ERC1: variants seen among roughly 807,000 people sequenced by gnomAD.
The protein encoded by ERC1 is RAB6 interacting protein 2.
Under a neutral mutation model 132.0 loss-of-function variants are expected in ERC1, and 56 were observed. That is an observed-to-expected ratio of 0.42 (90% CI 0.34 to 0.53). The LOEUF (loss-of-function observed/expected upper bound fraction) is 0.53. Among genes scored for constraint, ERC1 ranks in the 20% least tolerant of loss-of-function variants. The probability of loss-of-function intolerance (pLI) is 0.03; values close to 1 mark genes in which losing one functional copy is unlikely to be tolerated. For missense variants in ERC1, 1,202 were observed against 1,349.9 expected (o/e 0.89, Z 1.72); for synonymous variants, 478 against 476.1 (o/e 1.00, Z -0.05).
chr12:1,354,384 A>G (rs1360629682), intron 15 of ERC1, among the ~76,000 whole-genome samples: 1 of 152,024 alleles, frequency 6.6e-6, no homozygotes, highest in African/African-American at 2.4e-5. Context: ...CCAGCTGGGC[A>G]TGGTGGCAGG....
At chr12:1,346,298 G>A (rs1420030186) in intron 15 of ERC1, among the ~76,000 whole-genome samples, 1 of 152,068 alleles carries the variant, frequency 6.6e-6, no homozygotes, top group East Asian at 1.9e-4. Flanking sequence ...AATTTTTCTT[G>A]CCTTTATGAG....
intron 12 of ERC1, among the ~76,000 whole-genome samples, chr12:1,206,597 A>G (rs1957371276): frequency 6.6e-6 from 1 of 152,130 alleles, no homozygotes; most frequent in Non-Finnish European, 1.5e-5. Context: ...AGACATACAC[A>G]TCTTTTTATT....
intron 17 of ERC1, among the ~76,000 whole-genome samples, chr12:1,440,383 T>C (rs1430984648): frequency 4.0e-5 from 6 of 150,632 alleles, no homozygotes; most frequent in East Asian, 2.0e-4. Context: ...TTTTTTTGTA[T>C]TTTTAGTAGA....
At chr12:1,451,337 G>A (rs772074998) in intron 18 of ERC1, among the ~76,000 whole-genome samples, 3 of 152,306 alleles carry the variant, frequency 2.0e-5, no homozygotes, top group East Asian at 1.9e-4. Flanking sequence ...CTGAGGCTGA[G>A]AGCAGTGGCT....
intron 6 of ERC1, among the ~76,000 whole-genome samples, chr12:1,114,780 T>TTGAA (rs1946275154): frequency 6.6e-6 from 1 of 152,232 alleles, no homozygotes; most frequent in Admixed American, 6.5e-5. Flanking sequence ...GAAATATTTG[T>TTGAA]TGAATGAATG....
chr12:1,423,599 A>G (rs1027235742), intron 17 of ERC1, among the ~76,000 whole-genome samples: 1 of 152,224 alleles, frequency 6.6e-6, no homozygotes, highest in Non-Finnish European at 1.5e-5. Context: ...GGTGGTTGAT[A>G]GAGTCTGTCA....
intron 12 of ERC1, among the ~76,000 whole-genome samples, chr12:1,191,408 A>G (rs897934725): frequency 8.5e-5 from 13 of 152,194 alleles, no homozygotes; most frequent in Non-Finnish European, 1.2e-4. Context: ...TACTGCATAG[A>G]TACAAAAATG....
At chr12:1,042,146 T>C (rs1340026411) in intron 2 of ERC1, among the ~76,000 whole-genome samples, 1 of 152,004 alleles carries the variant, frequency 6.6e-6, no homozygotes, top group Non-Finnish European at 1.5e-5. Context: ...CACGCCATTC[T>C]CCTGCCTCAG....
chr12:995,025 G>A (rs940333890), intron 1 of ERC1, among the ~76,000 whole-genome samples: 24 of 152,068 alleles, frequency 1.6e-4, no homozygotes, highest in African/African-American at 5.8e-4. Context: ...GAACCCAGGA[G>A]GCGGAGGTTG....
intron 16 of ERC1, among the ~76,000 whole-genome samples, chr12:1,394,045 C>A (rs11061744): frequency 0.2 from 11,526 of 57,784 alleles, 2,331 homozygotes; most frequent in African/African-American, 0.58. Context: ...AAAAAAAAAA[C>A]CACAAAGCAT....
intron 16 of ERC1, among the ~76,000 whole-genome samples, chr12:1,397,443 AGTATAT>A (rs1404678632): frequency 2.6e-5 from 4 of 152,222 alleles, no homozygotes; most frequent in Admixed American, 1.3e-4. Flanking sequence ...TGTCAATTAT[AGTATAT>A]CCATCAGAGT....
At chr12:1,207,589 G>T (rs1396609010) in intron 12 of ERC1, among the ~76,000 whole-genome samples, 1 of 152,178 alleles carries the variant, frequency 6.6e-6, no homozygotes, top group Non-Finnish European at 1.5e-5. Context: ...ATCTGCTGGT[G>T]TAGTAGTGTA....
intron 1 of ERC1, among the ~76,000 whole-genome samples, chr12:1,022,818 A>G (rs1305461871): frequency 1.3e-5 from 2 of 152,072 alleles, no homozygotes; most frequent in African/African-American, 4.8e-5. Flanking sequence ...GGGTTTCACC[A>G]TGTTGGCCAG....
At chr12:1,012,471 CTTTTTTTTTTT>C (rs58882619) in intron 1 of ERC1, among the ~76,000 whole-genome samples, 1 of 85,484 alleles carries the variant, frequency 1.2e-5, no homozygotes, top group Non-Finnish European at 2.4e-5. Context: ...GATATTTAAT[CTTTTTTTTTTT>C]TTTTTTTTTG....
At chr12:1,154,629 C>T (rs145570925) in intron 8 of ERC1, among the ~76,000 whole-genome samples, 1 of 151,878 alleles carries the variant, frequency 6.6e-6, no homozygotes, top group East Asian at 1.9e-4. Flanking sequence ...AGTAAATAGA[C>T]CACCTACAGA....
chr12:1,207,751 G>A (rs1485950157), intron 12 of ERC1, among the ~76,000 whole-genome samples: 3 of 152,100 alleles, frequency 2.0e-5, no homozygotes, highest in African/African-American at 4.8e-5. Context: ...AGATCACCAC[G>A]GTTGTAGATC....
rs565459124 is a variant in ERC1 at position 1,395,238 on chromosome 12, G to A, written c.2926-12911G>A. ...GCACTGGGCCATTATAGGCAAATTG[G>A]CCCAAAAGGTATTTCACTCCTGGAA... On this transcript the variant is annotated intron_variant, in intron 16 of 18. Transcript: ENST00000360905. Among the ~76,000 whole-genome samples the A allele has an allele frequency of 2.3e-4, 35 of 152,256 alleles. 1 individual carries two copies. In the South Asian group the frequency reaches 6.9e-3, roughly 30 times the overall value.
At chr12:1,302,952 G>A (rs1481356302) in intron 15 of ERC1, among the ~76,000 whole-genome samples, 1 of 152,186 alleles carries the variant, frequency 6.6e-6, no homozygotes. Context: ...GATAAAGTGA[G>A]ATCTTGTCTC....
intron 14 of ERC1, among the ~76,000 whole-genome samples, chr12:1,276,572 C>CTGTTT: frequency 6.6e-6 from 1 of 151,232 alleles, no homozygotes; most frequent in South Asian, 2.1e-4. Flanking sequence ...GTACTTAGTC[C>CTGTTT]TGTTTTTTTT....
Sources: allele counts gnomAD v4.1 joint callset (sites outside exome capture counted in the v4.1 genomes callset), GRCh38; gene constraint gnomAD v4.1.1; transcripts MANE v1.5; gene names NCBI Gene and HGNC (gene_info 2026-07-23, HGNC 2026-07-21).